Variants in PCDH10 observed in about 807,000 individuals in gnomAD.
PCDH10 encodes the protein protocadherin 10.
PCDH10 carries 15 observed loss-of-function variants against 74.4 expected under a neutral mutation model. The ratio of observed to expected loss-of-function variants is 0.20; its 90% CI spans 0.13 to 0.31. The LOEUF (loss-of-function observed/expected upper bound fraction) is 0.31. PCDH10 is among the 10% of genes least tolerant of loss of function. The probability of loss-of-function intolerance (pLI) is 1.00; values close to 1 mark genes in which losing one functional copy is unlikely to be tolerated. For missense variants in PCDH10, 1,260 were observed against 1,390.2 expected (o/e 0.91, Z 1.49); for synonymous variants, 619 against 589.8 (o/e 1.05, Z -0.72).
intron 3 of PCDH10, among the ~76,000 whole-genome samples, chr4:133,157,614 TAG>T (rs1726893055): frequency 1.3e-5 from 2 of 152,176 alleles, no homozygotes; most frequent in Non-Finnish European, 2.9e-5. Flanking sequence ...ATTGGAAAGA[TAG>T]AGACTCCGAA....
At chr4:133,158,246 G>T (rs1272817862) in intron 3 of PCDH10, among the ~76,000 whole-genome samples, 1 of 151,912 alleles carries the variant, frequency 6.6e-6, no homozygotes. Flanking sequence ...ATTTTAAATT[G>T]TATATTCTTA....
rs747562065 is a variant in PCDH10, at chr4:133,151,151, C to A, written c.1011C>A (p.Ala337=). The change falls in exon 1 of 5, where the codon GCC becomes GCA. Residue 337 remains alanine, a synonymous_variant. Transcript: ENST00000264360. ...AAGCCAAGGACCTGGGCCCCAACGC[C>A]GTGCCTGCGCACTGCAAGGTGCTAG... ...YVQAKDLGPN[A]VPAHCKVLVR... is the part of the protein sequence containing the mutation. The A allele has an allele frequency of 6.2e-7, 1 of 1,614,128 alleles. No individual in the cohort carries two copies. Among genetic ancestry groups the A allele is most frequent in the Non-Finnish European group, 8.5e-7 (1 of 1,180,016 alleles).
Position 133,188,058 on chromosome 4 carries a change from G to T in PCDH10, c.3104-2083G>T, listed in dbSNP as rs539206588. On this transcript the variant is annotated intron_variant, in intron 4 of 4. Coordinates refer to ENST00000264360, the MANE Select transcript of PCDH10 (RefSeq NM_032961.3). ...TTCTTTTGTTCTTGAACTAAGAAAA[G>T]AATGTTTCCTCTAAATCAGCATTTT... Among the ~76,000 whole-genome samples, 3 of 152,190 alleles carry T rather than the reference G, an allele frequency of 2.0e-5. No individual in the cohort carries two copies. In the South Asian group the frequency reaches 6.2e-4, roughly 32 times the overall value.
rs1291584476 is a variant in PCDH10 at position 133,163,160 on chromosome 4, C to G, written c.2981C>G (p.Pro994Arg). 5 of 1,614,158 alleles carry G rather than the reference C, an allele frequency of 3.1e-6. No individual in the cohort carries two copies. In the Admixed American group the frequency reaches 8.3e-5, roughly 27 times the overall value. ...TEVFETPEAQ[P>R]GAERSFSTFG... is the part of the protein sequence containing the mutation. ...GTGTTTGAAACTCCAGAAGCCCAGC[C>G]TGGGGCAGAGCGGTCCTTTTCCACC... Residue 994 changes from proline (P) to arginine (R), a missense_variant, in exon 4 of 5, where the codon CCT (proline) becomes CGT (arginine). Coordinates refer to ENST00000264360, the MANE Select transcript of PCDH10 (RefSeq NM_032961.3).
intron 4 of PCDH10, among the ~76,000 whole-genome samples, chr4:133,165,335 G>T: frequency 6.7e-6 from 1 of 148,624 alleles, no homozygotes; most frequent in Admixed American, 6.7e-5. Flanking sequence ...AGTATTTAAT[G>T]TCATCTTAGA....
chr4:133,203,308 CT>C (rs1727940895), intron 2 of PCDH10, among the ~76,000 whole-genome samples: 1 of 152,076 alleles, frequency 6.6e-6, no homozygotes, highest in Admixed American at 6.6e-5. Context: ...TTCCTTCCTT[CT>C]TTTTCTTTCT....
intron 2 of PCDH10, among the ~76,000 whole-genome samples, chr4:133,207,216 T>A (rs1728026289): frequency 6.7e-6 from 1 of 149,822 alleles, no homozygotes. Flanking sequence ...CTAAGGTTAT[T>A]ATATTATATT....
downstream of PCDH10, among the ~76,000 whole-genome samples, chr4:133,199,616 G>C (rs1727862168): frequency 1.3e-5 from 2 of 150,776 alleles, no homozygotes; most frequent in African/African-American, 4.8e-5. Flanking sequence ...CATTAAACAA[G>C]TTAATGTAAA....
chr4:133,185,846 C>A (rs572594821), intron 4 of PCDH10, among the ~76,000 whole-genome samples: 2 of 152,148 alleles, frequency 1.3e-5, no homozygotes, highest in East Asian at 3.9e-4. Context: ...AGGGTATTTT[C>A]TTTCCTCTTT....
At chr4:133,204,538 C>G (rs1727965254) in intron 2 of PCDH10, among the ~76,000 whole-genome samples, 1 of 152,114 alleles carries the variant, frequency 6.6e-6, no homozygotes, top group Non-Finnish European at 1.5e-5. Context: ...AGTCAATTAA[C>G]AAGAATTCTT....
chr4:133,150,618 G>A lies in PCDH10; in HGVS notation c.478G>A (p.Glu160Lys), dbSNP rs558226824. The A allele has an allele frequency of 4.0e-5, 65 of 1,613,362 alleles. 1 individual carries two copies. The East Asian group carries it at 9.6e-4, about 24-fold the overall frequency. ...DVGTNSLRDY[E>K]ITPNSYFSLD... ...GGGCACCAACTCCTTGCGCGACTAC[G>A]AGATCACCCCCAACAGCTACTTCTC... is the stretch of plus-strand genomic sequence containing the variant. Residue 160 changes from glutamate to lysine, a missense_variant, in exon 1 of 5, where the codon GAG (glutamate) becomes AAG (lysine). Coordinates refer to ENST00000264360, the MANE Select transcript of PCDH10 (RefSeq NM_032961.3).
chr4:133,187,074 G>A (rs907586124), intron 4 of PCDH10, among the ~76,000 whole-genome samples: 5 of 152,148 alleles, frequency 3.3e-5, no homozygotes, highest in African/African-American at 4.8e-5. Context: ...GAAATAAAGC[G>A]GATGTGACTA....
At chr4:133,160,337 T>A (rs1726941691) in intron 3 of PCDH10, among the ~76,000 whole-genome samples, 1 of 151,850 alleles carries the variant, frequency 6.6e-6, no homozygotes, top group Non-Finnish European at 1.5e-5. Context: ...TTAAGAACAT[T>A]ATTTACATGT....
Position 133,152,722 on chromosome 4 carries a change from C to T in PCDH10, c.2582C>T (p.Thr861Ile). ...TGCGGGGCCATCGTCACCGGTTACA[C>T]CGACCAGCAGCCTGATATCATCTCC... is the stretch of plus-strand genomic sequence containing the variant. ...NPCGAIVTGY[T>I]DQQPDIISNG... Residue 861 changes from threonine (T) to isoleucine (I), a missense_variant, in exon 1 of 5, where the codon ACC becomes ATC. This residue lies in a region of PCDH10 where 587 missense variants were observed against 616.9 expected (regional missense o/e 0.95). Coordinates refer to ENST00000264360, the MANE Select transcript of PCDH10 (RefSeq NM_032961.3). 1 of 1,614,230 alleles carries T rather than the reference C, an allele frequency of 6.2e-7. No individual in the cohort carries two copies. The highest frequency in any genetic ancestry group is 1.1e-5 in the South Asian group (1 of 91,080).
At chr4:133,205,139 G>A (rs1727976651) in intron 2 of PCDH10, among the ~76,000 whole-genome samples, 1 of 152,178 alleles carries the variant, frequency 6.6e-6, no homozygotes, top group Admixed American at 6.5e-5. Flanking sequence ...TTCTGGAGCA[G>A]AGTGGGAAGG....
Position 133,162,706 on chromosome 4 carries a change from G to C in PCDH10, c.2798-271G>C, listed in dbSNP as rs61110901. 1.0e-2 allele frequency among the ~76,000 whole-genome samples: 1,514 copies of C among 152,062 alleles called. 32 individuals carry two copies. The highest frequency in any genetic ancestry group is 0.035 in the African/African-American group (1,433 of 41,468). On this transcript the variant is annotated intron_variant, in intron 3 of 4. Coordinates refer to ENST00000264360, the MANE Select transcript of PCDH10 (RefSeq NM_032961.3). Reference sequence around the variant, plus strand: ...TTAAATTGTTTAGAGCCAATATTTTGCCCAATACCCTAAGTAGTTTAGAAA... The same window carrying C: ...TTAAATTGTTTAGAGCCAATATTTTCCCCAATACCCTAAGTAGTTTAGAAA...
rs913723150 is a variant in PCDH10, at chr4:133,162,855, C to T, written c.2798-122C>T. On this transcript the variant is annotated intron_variant, in intron 3 of 4. Transcript: ENST00000264360. ...ATATTTGGTTCCTGTCAGGATAAGC[C>T]AGGAAAAATTTGTTAAGACAACTTC... The T allele has an allele frequency of 9.5e-6, 7 of 740,588 alleles. No homozygotes were observed. In the Admixed American group the frequency reaches 2.0e-4, roughly 21 times the overall value. The allele number at this position is 740,588 out of a possible 1,614,324, so 45.9% of individuals were successfully genotyped here.
intron 2 of PCDH10, among the ~76,000 whole-genome samples, chr4:133,200,306 C>T (rs1415555070): frequency 1.3e-5 from 2 of 151,590 alleles, no homozygotes; most frequent in South Asian, 2.1e-4. Context: ...AGTATATGTA[C>T]CAAAATTAGG....
At chr4:133,179,381 C>A (rs1320898575) in intron 4 of PCDH10, among the ~76,000 whole-genome samples, 1 of 152,108 alleles carries the variant, frequency 6.6e-6, no homozygotes, top group Non-Finnish European at 1.5e-5. Context: ...CAATAACGTT[C>A]ATGTTTATTC....
Sources: allele counts gnomAD v4.1 joint callset (sites outside exome capture counted in the v4.1 genomes callset), GRCh38; gene constraint gnomAD v4.1.1; regional missense constraint gnomAD v4.1.1; transcripts MANE v1.5; gene names NCBI Gene and HGNC (gene_info 2026-07-23, HGNC 2026-07-21).